Variants in FUBP1 observed in about 807,000 individuals in gnomAD.
FUBP1 encodes far upstream element-binding protein 1.
A neutral mutation model predicts 94.9 loss-of-function variants in FUBP1; 16 were observed. The observed-to-expected ratio is 0.17, with a 90% CI of 0.11 to 0.26. The LOEUF is 0.26. Among genes scored for constraint, FUBP1 ranks in the 10% least tolerant of loss-of-function variants. The pLI is 1.00. For synonymous variants in FUBP1, 279 were observed against 254.9 expected (o/e 1.09, Z -0.90); for missense variants, 583 against 808.6 (o/e 0.72, Z 3.38).
chr1:77,954,582 T>C (rs1045147951), intron 18 of FUBP1, among the ~76,000 whole-genome samples: 4 of 152,170 alleles, frequency 2.6e-5, no homozygotes, highest in Admixed American at 1.3e-4. Flanking sequence ...AAAGAAAACA[T>C]TGAAAATCCC....
intron 2 of FUBP1, 76 bp from the exon 3 acceptor site, chr1:77,968,279 C>T (rs1356680802): frequency 3.7e-6 from 3 of 805,638 alleles, no homozygotes; most frequent in Admixed American, 6.0e-5. Flanking sequence ...GAATAAATAA[C>T]AATATAAACA....
At chr1:77,963,989 T>TA in intron 12 of FUBP1, 73 bp downstream of exon 12, 1 of 910,966 alleles carries the variant, frequency 1.1e-6, no homozygotes, top group Non-Finnish European at 1.8e-6. Flanking sequence ...GATATAGAGG[T>TA]AACTTCAGAT....
chr1:77,957,820 A>ATTT (rs962006263), intron 16 of FUBP1, among the ~76,000 whole-genome samples: 1 of 137,184 alleles, frequency 7.3e-6, no homozygotes, highest in Non-Finnish European at 1.6e-5. Flanking sequence ...CATTATCTGT[A>ATTT]TTTTTTTTTT....
At chr1:77,964,440 C>T in intron 10 of FUBP1, 84 bp from the exon 11 acceptor site, 2 of 831,486 alleles carry the variant, frequency 2.4e-6, no homozygotes, top group Non-Finnish European at 3.8e-6. Context: ...AGCGCCATTT[C>T]CTGAAAATCT....
chr1:77,960,399 T>A lies in FUBP1; in HGVS notation c.1441A>T (p.Met481Leu), dbSNP rs201012814. ...TAAGGTGCAGGGTTGTATGGTCCCA[T>A]TGGAGTTCCAGGCCCTGGAGGCCCA... ...PPGPPGPGTP[M>L]GPYNPAPYNP... Residue 481 changes from methionine (M) to leucine (L), a missense_variant, in exon 15 of 20, where the codon ATG becomes TTG. Transcript: ENST00000370768. 6.3e-7 allele frequency: 1 copy of A among 1,596,822 alleles called. No homozygotes were observed. The highest frequency in any genetic ancestry group is 1.4e-5 in the African/African-American group (1 of 73,574).
chr1:77,974,223 C>G (rs1284724782), intron 1 of FUBP1, among the ~76,000 whole-genome samples: 2 of 151,266 alleles, frequency 1.3e-5, no homozygotes, highest in Non-Finnish European at 2.9e-5. Flanking sequence ...GCAAGCTCCA[C>G]CTCCCGGGTT....
upstream of FUBP1, chr1:77,979,390 T>G (rs1262410641): frequency 9.7e-6 from 2 of 205,894 alleles, no homozygotes; most frequent in Non-Finnish European, 2.0e-5. Flanking sequence ...AAAAGGTTGT[T>G]TCTTACCGGT....
At chr1:77,959,646 C>G (rs1655094638) in intron 16 of FUBP1, among the ~76,000 whole-genome samples, 1 of 152,082 alleles carries the variant, frequency 6.6e-6, no homozygotes, top group Non-Finnish European at 1.5e-5. Flanking sequence ...TAGGCTCAAG[C>G]AATCCTCCCA....
intron 1 of FUBP1, among the ~76,000 whole-genome samples, chr1:77,977,139 T>C (rs1478469504): frequency 3.9e-5 from 6 of 152,218 alleles, no homozygotes; most frequent in South Asian, 4.1e-4. Context: ...GATAATCCTG[T>C]TCATCTGCAT....
intron 18 of FUBP1, among the ~76,000 whole-genome samples, chr1:77,951,541 T>C (rs1237155453): frequency 6.6e-6 from 1 of 152,162 alleles, no homozygotes; most frequent in African/African-American, 2.4e-5. Context: ...ATTCCTCTCT[T>C]TAGTTACTGG....
intron 7 of FUBP1, among the ~76,000 whole-genome samples, chr1:77,965,815 G>A (rs1347594759): frequency 3.9e-5 from 6 of 152,202 alleles, no homozygotes; most frequent in African/African-American, 9.6e-5. Context: ...TTGGGAGGCC[G>A]AGGTGGGTGG....
At chr1:77,971,328 A>G (rs138562022) in intron 1 of FUBP1, among the ~76,000 whole-genome samples, 354 of 152,334 alleles carry the variant, frequency 2.3e-3, no homozygotes, top group Non-Finnish European at 3.9e-3. Context: ...AAAAAATATT[A>G]AAGAAAACCT....
At chr1:77,977,145 T>C (rs920696827) in intron 1 of FUBP1, among the ~76,000 whole-genome samples, 2 of 152,376 alleles carry the variant, frequency 1.3e-5, no homozygotes, top group South Asian at 4.1e-4. Context: ...CCTGTTCATC[T>C]GCATTTGGTC....
chr1:77,958,677 G>A (rs932315399), intron 16 of FUBP1, among the ~76,000 whole-genome samples: 1 of 152,124 alleles, frequency 6.6e-6, no homozygotes, highest in South Asian at 2.1e-4. Flanking sequence ...CTCCAAGTGA[G>A]AAATTCAACT....
At chr1:77,973,219 G>C (rs11811805) in intron 1 of FUBP1, among the ~76,000 whole-genome samples, 30,351 of 151,882 alleles carry the variant, frequency 0.2, 3,331 homozygotes, top group African/African-American at 0.28. Flanking sequence ...AGACATTTAT[G>C]AGGTGTGGGA....
chr1:77,956,744 T>TTC (rs777483274), intron 16 of FUBP1, 44 bp from the exon 17 acceptor site: 1 of 1,544,764 alleles, frequency 6.5e-7, no homozygotes, highest in Non-Finnish European at 8.9e-7. Flanking sequence ...AAGTCTGTAA[T>TTC]TCTCTCTCAC....
intron 18 of FUBP1, among the ~76,000 whole-genome samples, chr1:77,953,124 G>A (rs1653816479): frequency 6.6e-6 from 1 of 151,724 alleles, no homozygotes; most frequent in Non-Finnish European, 1.5e-5. Flanking sequence ...CCAAGACTCC[G>A]TCTTAAAAAA....
In FUBP1 at chr1:77,956,601, G is replaced by C; in HGVS notation, c.1676C>G (p.Ala559Gly). The C allele has an allele frequency of 6.2e-7, 1 of 1,611,732 alleles. No individual in the cohort carries two copies. Among genetic ancestry groups the C allele is most frequent in the Non-Finnish European group, 8.5e-7 (1 of 1,177,862 alleles). Residue 559 changes from alanine to glycine, a missense_variant, in exon 17 of 20, where the codon GCA becomes GGA. Ala to Gly is a moderately conservative substitution (Grantham distance 60). Transcript: ENST00000370768. ...TCCATTAGTTTGAGTTGTAGTTGGT[G>C]CACCTGCAGGGGCTGCTGGTGGTGG... ...AQPPPAAPAG[A>G]PTTTQTNGQG...
intron 16 of FUBP1, 54 bp downstream of exon 16, chr1:77,960,130 G>A: frequency 8.1e-7 from 1 of 1,236,982 alleles, no homozygotes; most frequent in Non-Finnish European, 1.2e-6. Context: ...ATTTAATAAT[G>A]TAACAGGAGT....
Sources: allele counts gnomAD v4.1 joint callset (sites outside exome capture counted in the v4.1 genomes callset), GRCh38; gene constraint gnomAD v4.1.1; transcripts MANE v1.5; gene names NCBI Gene and HGNC (gene_info 2026-07-23, HGNC 2026-07-21).